The following CMBL variants were observed in gnomAD, a reference collection of about 807,000 sequenced individuals.
CMBL encodes the protein carboxymethylenebutenolidase homolog, also known as carboxymethylenebutenolidase homolog (Pseudomonas).
Under a neutral mutation model 28.7 loss-of-function variants are expected in CMBL, and 17 were observed. The ratio of observed to expected loss-of-function variants is 0.59; its 90% CI spans 0.41 to 0.89. The LOEUF (loss-of-function observed/expected upper bound fraction) is 0.89, where lower values mean the gene tolerates loss of function less well. Ranked by LOEUF, CMBL falls within the 40% of genes least tolerant of loss-of-function variation. CMBL has a pLI of 0.00. For missense variants in CMBL, 310 were observed against 298.5 expected (o/e 1.04, Z -0.28); for synonymous variants, 106 against 101.6 (o/e 1.04, Z -0.26).
chr5:10,289,343 C>T lies in CMBL; in HGVS notation c.216-814G>A, dbSNP rs1417545384. ...TTGCACTGCCTAACCCCAGAGGATC[C>T]TCTCGAGGGCAAAAAAAGTTGTATA... On this transcript the variant is annotated intron_variant, in intron 2 of 5. Transcript: ENST00000296658. The surrounding 1 kb of genome is among the most constrained non-coding windows in gnomAD (Gnocchi z 4.3). 6.6e-6 allele frequency among the ~76,000 whole-genome samples: 1 copy of T among 152,200 alleles called. No homozygotes were observed. Among genetic ancestry groups the T allele is most frequent in the Non-Finnish European group, 1.5e-5 (1 of 68,044 alleles).
At chr5:10,281,663 C>T (rs1746498772) in intron 5 of CMBL, among the ~76,000 whole-genome samples, 1 of 152,178 alleles carries the variant, frequency 6.6e-6, no homozygotes, top group South Asian at 2.1e-4. Context: ...GTTTCTCCAC[C>T]AGGTAACCAG....
intron 5 of CMBL, among the ~76,000 whole-genome samples, 174 bp downstream of exon 5, chr5:10,282,023 G>A (rs563645997): frequency 2.9e-5 from 4 of 140,112 alleles, no homozygotes; most frequent in East Asian, 1.9e-4. Flanking sequence ...ACCCAGGTGC[G>A]GTGGTGGGCG....
chr5:10,284,065 C>T (rs1185497293), intron 4 of CMBL, among the ~76,000 whole-genome samples: 1 of 152,222 alleles, frequency 6.6e-6, no homozygotes, highest in Non-Finnish European at 1.5e-5. Context: ...AAGGTGACCA[C>T]GCTCCCTTCC....
At chr5:10,297,049 G>C (rs1275920508) in intron 1 of CMBL, among the ~76,000 whole-genome samples, 1 of 152,066 alleles carries the variant, frequency 6.6e-6, no homozygotes, top group Non-Finnish European at 1.5e-5. Context: ...GCCAGGCGTG[G>C]TGGCACATGC....
rs746211990 is a variant in CMBL, at chr5:10,280,424, AT to A, written c.*28del. ...CCAAGCAAATTTTGGGATGAAAGCT[AT>A]TCTAGGAAGGCTTGCCCTTGATTCT... On this transcript the variant is annotated 3_prime_UTR_variant, in exon 6 of 6. Transcript: ENST00000296658. 7 of 1,536,974 alleles carry A rather than the reference AT, an allele frequency of 4.6e-6. No homozygotes were observed. The African/African-American group carries it at 9.5e-5, about 21-fold the overall frequency.
rs1416717939 is a variant in CMBL, at chr5:10,278,996, C to CTCTCCTGAGAGAGACGTCCT, written c.*1456_*1457insAGGACGTCTCTCTCAGGAGA. Among the ~76,000 whole-genome samples the CTCTCCTGAGAGAGACGTCCT allele has an allele frequency of 1.3e-4, 20 of 152,202 alleles. No homozygotes were observed. The highest frequency in any genetic ancestry group is 4.3e-4 in the African/African-American group (18 of 41,446). Reference sequence around the variant, plus strand: ...GGCAGGGCTAGAGTTTACAGCCACTCTCTCCTGAGAAGGACGTCAAGACAA... The same window carrying CTCTCCTGAGAGAGACGTCCT: ...GGCAGGGCTAGAGTTTACAGCCACTCTCTCCTGAGAGAGACGTCCTTCTCCTGAGAAGGACGTCAAGACAA... On this transcript the variant is annotated 3_prime_UTR_variant, in exon 6 of 6. Coordinates refer to ENST00000296658, the MANE Select transcript of CMBL (RefSeq NM_138809.4).
intron 3 of CMBL, among the ~76,000 whole-genome samples, chr5:10,287,195 C>T (rs537209875): frequency 4.6e-5 from 7 of 152,264 alleles, no homozygotes; most frequent in Non-Finnish European, 1.0e-4. Context: ...GGGCTGCACA[C>T]GTATGTTTAT....
Position 10,279,350 on chromosome 5 carries a change from C to A in CMBL, c.*1103G>T, listed in dbSNP as rs1365605930. ...GAATCCTGTTTTGATCTCAATACTT[C>A]CCATATTGCAATATATAAATGTGAC... is the stretch of plus-strand genomic sequence containing the variant. On this transcript the variant is annotated 3_prime_UTR_variant, in exon 6 of 6. Transcript: ENST00000296658. 6.6e-6 allele frequency: 1 copy of A among 152,164 alleles called. No individual in the cohort carries two copies. Among genetic ancestry groups the A allele is most frequent in the African/African-American group, 2.4e-5 (1 of 41,430 alleles). 9.4% of individuals were successfully genotyped at this position (152,164 alleles called of 1,614,324 possible).
chr5:10,284,703 A>C (rs115558358), intron 4 of CMBL, among the ~76,000 whole-genome samples: 1,737 of 152,314 alleles, frequency 0.011, 34 homozygotes, highest in African/African-American at 0.038. Flanking sequence ...GAGGTGGATT[A>C]AATGCATTTT....
At position 10,280,386 on chromosome 5, in the gene CMBL, G is replaced by C. The variant is rs959083153; in HGVS notation, c.*67C>G. The stretch of plus-strand genomic sequence containing the variant: ...TATAAAAGTGAAAATTAAATCAAAT[G>C]ATCTAACTATTTCCAAGCAAATTTT... On this transcript the variant is annotated 3_prime_UTR_variant, in exon 6 of 6. Coordinates refer to ENST00000296658, the MANE Select transcript of CMBL (RefSeq NM_138809.4). 3.5e-6 allele frequency: 4 copies of C among 1,133,146 alleles called. No individual in the cohort carries two copies. The South Asian group carries it at 5.7e-5, about 16-fold the overall frequency. The allele number at this position is 1,133,146 out of a possible 1,614,324, so 70.2% of individuals were successfully genotyped here. A position where few individuals can be genotyped will look rare whatever the true frequency, so the allele number is the denominator to read the frequency against.
Position 10,280,535 on chromosome 5 carries a change from C to T in CMBL, c.656G>A (p.Arg219Lys), listed in dbSNP as rs1746481070. The change falls in exon 6 of 6, where the codon AGA becomes AAA. Residue 219 changes from arginine (R) to lysine (K), a missense_variant. Physicochemically the swap from Arg to Lys is conservative, Grantham distance 26. Coordinates refer to ENST00000296658, the MANE Select transcript of CMBL (RefSeq NM_138809.4). ...GQTHGFVHRKREDCSPADKPY... is the reference protein window; with the variant it reads ...GQTHGFVHRKKEDCSPADKPY... ...CTTGTCTGCAGGTGAGCAATCTTCT[C>T]TCTTCCGATGCACGAACCCATGAGT... 2 of 1,613,934 alleles carry T rather than the reference C, an allele frequency of 1.2e-6. No homozygotes were observed. Among genetic ancestry groups the T allele is most frequent in the South Asian group, 1.1e-5 (1 of 91,084 alleles).
In CMBL at chr5:10,279,408, C is replaced by T. The variant is rs1424386597; in HGVS notation, c.*1045G>A. 1 of 152,172 alleles carries T rather than the reference C, an allele frequency of 6.6e-6. No homozygotes were observed. Among genetic ancestry groups the T allele is most frequent in the African/African-American group, 2.4e-5 (1 of 41,434 alleles). The allele number at this position is 152,172 out of a possible 1,614,324, so 9.4% of individuals were successfully genotyped here. On this transcript the variant is annotated 3_prime_UTR_variant, in exon 6 of 6. Coordinates refer to ENST00000296658, the MANE Select transcript of CMBL (RefSeq NM_138809.4). ...GCTGTTTTGTGGCATAGATAAGTGT[C>T]TAAGCTGGGCAGTTAGTCTACCCGT...
rs775231616 is a variant in CMBL at position 10,278,348 on chromosome 5, C to T, written c.*2105G>A. On this transcript the variant is annotated 3_prime_UTR_variant, in exon 6 of 6. Transcript: ENST00000296658. ...CTTACAAAACCGCCTCCTGGGACCA[C>T]CTTCCCATGGACAGCTGGATACCAC... Among the ~76,000 whole-genome samples, 1 of 152,302 alleles carries T rather than the reference C, an allele frequency of 6.6e-6. No individual in the cohort carries two copies. The highest frequency in any genetic ancestry group is 1.5e-5 in the Non-Finnish European group (1 of 68,034).
intron 3 of CMBL, among the ~76,000 whole-genome samples, chr5:10,288,085 T>C (rs986996056): frequency 4.7e-5 from 7 of 149,324 alleles, no homozygotes; most frequent in African/African-American, 1.2e-4. Flanking sequence ...CTGGCCAACA[T>C]GGTGAAACCC....
At chr5:10,298,160 A>G (rs1305983977) in intron 1 of CMBL, among the ~76,000 whole-genome samples, 2 of 152,016 alleles carry the variant, frequency 1.3e-5, no homozygotes, top group Admixed American at 6.6e-5. Flanking sequence ...CTGGCCATCA[A>G]TGGGGCACGG....
intron 5 of CMBL, among the ~76,000 whole-genome samples, chr5:10,281,285 G>A (rs1239822161): frequency 2.6e-5 from 4 of 152,064 alleles, no homozygotes; most frequent in African/African-American, 7.2e-5. Context: ...TGGCACAATC[G>A]TGGCTCACTG....
intron 4 of CMBL, chr5:10,286,027 C>A: frequency 4.8e-6 from 1 of 209,012 alleles, no homozygotes; most frequent in Non-Finnish European, 9.4e-6. Context: ...TCATAAAAAT[C>A]TTGTGTGATA....
At chr5:10,292,057 G>A (rs1393829595) in intron 1 of CMBL, 1 of 152,194 alleles carries the variant, frequency 6.6e-6, no homozygotes, top group Non-Finnish European at 1.5e-5. Flanking sequence ...CAGGAAATGA[G>A]GCGGCGAAAG....
rs1354766727 is a variant in CMBL at position 10,289,936 on chromosome 5, A to G, written c.215+612T>C. Among the ~76,000 whole-genome samples the G allele has an allele frequency of 6.6e-6, 1 of 152,206 alleles. No homozygotes were observed. Among genetic ancestry groups the G allele is most frequent in the African/African-American group, 2.4e-5 (1 of 41,458 alleles). On this transcript the variant is annotated intron_variant, in intron 2 of 5. Transcript: ENST00000296658. This position sits in a 1 kb window ranked among gnomAD's most constrained non-coding sequence, Gnocchi z 4.3. ...TGATGCTTTCCGACGCTGGAGAGGA[A>G]GGAAGGTTCTGGCCCTCCTCTGCGC...
Sources: gnomAD v4.1 joint callset for allele counts (sites outside exome capture counted in the v4.1 genomes callset) on GRCh38, gnomAD v4.1.1 for gene constraint, Gnocchi (gnomAD v3.1) non-coding constraint, MANE v1.5 for transcripts, NCBI Gene and HGNC (gene_info 2026-07-23, HGNC 2026-07-21) for gene names.